Variants in NOMO1 observed in about 807,000 individuals in gnomAD.
The protein encoded by NOMO1 is nodal modulator 3.
Under a neutral mutation model 133.8 loss-of-function variants are expected in NOMO1, and 40 were observed. That is an observed-to-expected ratio of 0.30 (90% CI 0.23 to 0.39). The LOEUF (loss-of-function observed/expected upper bound fraction) is 0.39. Among genes scored for constraint, NOMO1 ranks in the 10% least tolerant of loss-of-function variants. The pLI, the probability that NOMO1 is intolerant of heterozygous loss-of-function variation, is 1.00. For missense variants in NOMO1, 462 were observed against 1,419.9 expected (o/e 0.33, Z 10.84); for synonymous variants, 236 against 570.5 (o/e 0.41, Z 8.36).
chr16:14,837,326 T>C (rs1963532996), intron 1 of NOMO1, among the ~76,000 whole-genome samples: 3 of 152,122 alleles, frequency 2.0e-5, no homozygotes, highest in Non-Finnish European at 1.5e-5. Context: ...GATTTTTCTT[T>C]GAATCCATAT....
At chr16:14,888,486 G>A (rs897277123) in intron 28 of NOMO1, 2 of 156,192 alleles carry the variant, frequency 1.3e-5, no homozygotes, top group Non-Finnish European at 2.8e-5. Flanking sequence ...GACCTTGCCA[G>A]TGGTAGAAAG....
At chr16:14,867,570 T>G (rs924040361) in intron 15 of NOMO1, among the ~76,000 whole-genome samples, 3 of 140,960 alleles carry the variant, frequency 2.1e-5, no homozygotes, top group African/African-American at 7.7e-5. Context: ...TTGTTGACTG[T>G]GGTCTCTGTG....
At chr16:14,855,392 A>G (rs992437692) in intron 9 of NOMO1, among the ~76,000 whole-genome samples, 1 of 151,476 alleles carries the variant, frequency 6.6e-6, no homozygotes, top group African/African-American at 2.4e-5. Flanking sequence ...ACAAATCCCA[A>G]AAGAAAATAA....
chr16:14,864,494 C>T (rs1963962364), intron 12 of NOMO1, 91 bp from the exon 13 acceptor site: 3 of 1,565,632 alleles, frequency 1.9e-6, no homozygotes, highest in Non-Finnish European at 2.6e-6. Flanking sequence ...TCTCTTTAGC[C>T]TTGGTCCCAG....
At chr16:14,868,252 T>C (rs1422269181) in intron 15 of NOMO1, among the ~76,000 whole-genome samples, 1 of 138,226 alleles carries the variant, frequency 7.2e-6, no homozygotes, top group African/African-American at 2.8e-5. Flanking sequence ...GATGCGTTGA[T>C]TTTGTCTTCC....
intron 17 of NOMO1, 91 bp downstream of exon 17, chr16:14,871,775 T>G (rs965339728): frequency 2.1e-5 from 28 of 1,326,558 alleles, no homozygotes; most frequent in Non-Finnish European, 2.7e-5. Context: ...AGTTTTTCTG[T>G]TTTTTTTTCT....
chr16:14,856,747 G>GGT (rs1597098525), intron 9 of NOMO1, among the ~76,000 whole-genome samples: 1 of 151,958 alleles, frequency 6.6e-6, no homozygotes, highest in Admixed American at 6.6e-5. Context: ...TTCAGGTCGT[G>GGT]GTGGAAAGAC....
At position 14,884,776 on chromosome 16, in the gene NOMO1, C is replaced by T. The variant is rs142797409; in HGVS notation, c.3222+294C>T. 7.9e-3 allele frequency among the ~76,000 whole-genome samples: 1,194 copies of T among 152,058 alleles called. 37 individuals carry two copies. The highest frequency in any genetic ancestry group is 0.027 in the African/African-American group (1,117 of 41,404). ...GTAGAAGCCTGATCAATGATCAATA[C>T]AATATGGAATCTAACGTGGAAAGCC... On this transcript the variant is annotated intron_variant, in intron 27 of 30. Coordinates refer to ENST00000287667, the MANE Select transcript of NOMO1 (RefSeq NM_014287.4).
At chr16:14,888,489 G>T (rs2151012022) in intron 28 of NOMO1, 1 of 156,564 alleles carries the variant, frequency 6.4e-6, no homozygotes, top group South Asian at 1.9e-4. Context: ...CTTGCCAGTG[G>T]TAGAAAGCAA....
chr16:14,869,941 T>A (rs1964058250), intron 16 of NOMO1, among the ~76,000 whole-genome samples: 1 of 151,294 alleles, frequency 6.6e-6, no homozygotes, highest in Admixed American at 6.6e-5. Context: ...TCTTGGTAGA[T>A]GTGAAGTCGT....
chr16:14,884,628 G>A, intron 27 of NOMO1, 146 bp downstream of exon 27: 3 of 1,074,872 alleles, frequency 2.8e-6, no homozygotes, highest in Non-Finnish European at 4.1e-6. Context: ...TGAGGGTTGA[G>A]GTTGAGATTT....
At chr16:14,878,110 C>G (rs1456298602) in intron 22 of NOMO1, among the ~76,000 whole-genome samples, 2 of 151,596 alleles carry the variant, frequency 1.3e-5, no homozygotes, top group East Asian at 1.9e-4. Flanking sequence ...ATATAACATG[C>G]CATTTTTATT....
chr16:14,842,136 A>C (rs1045379568), intron 3 of NOMO1, among the ~76,000 whole-genome samples: 1 of 151,746 alleles, frequency 6.6e-6, no homozygotes, highest in Non-Finnish European at 1.5e-5. Context: ...TGAGATCAGA[A>C]GAGAGGGTCT....
Position 14,838,199 on chromosome 16 carries a change from A to G in NOMO1, c.166-208A>G, listed in dbSNP as rs2606866. Among the ~76,000 whole-genome samples the G allele has an allele frequency of 5.3e-5, 8 of 151,482 alleles. No homozygotes were observed. The South Asian group carries it at 6.2e-4, about 12-fold the overall frequency. On this transcript the variant is annotated intron_variant, in intron 1 of 30. Transcript: ENST00000287667. Reference sequence around the variant, plus strand: ...AATAAGGCATTGTAATAGGCTGTAGATGGTTTCTAATCTGAAAAACATTGA... The same window carrying G: ...AATAAGGCATTGTAATAGGCTGTAGGTGGTTTCTAATCTGAAAAACATTGA...
intron 11 of NOMO1, among the ~76,000 whole-genome samples, chr16:14,859,376 T>C (rs1003377300): frequency 2.0e-5 from 3 of 151,972 alleles, no homozygotes; most frequent in African/African-American, 7.3e-5. Context: ...AATTCTTGGA[T>C]TTAAGTCTTT....
intron 8 of NOMO1, 123 bp downstream of exon 8, chr16:14,853,727 G>A (rs1283321589): frequency 7.3e-6 from 7 of 962,432 alleles, no homozygotes; most frequent in Non-Finnish European, 1.6e-6. Flanking sequence ...ACGCTGTTAA[G>A]CAGTAACTTA....
At chr16:14,868,217 A>G (rs1294700074) in intron 15 of NOMO1, among the ~76,000 whole-genome samples, 1 of 137,244 alleles carries the variant, frequency 7.3e-6, no homozygotes, top group Non-Finnish European at 1.6e-5. Context: ...GTTACTGACC[A>G]GTTGAGATCA....
chr16:14,834,817 T>A (rs971330326), intron 1 of NOMO1, among the ~76,000 whole-genome samples: 3 of 130,398 alleles, frequency 2.3e-5, no homozygotes, highest in African/African-American at 5.9e-5. Flanking sequence ...GAATGTCATT[T>A]GTCCCGGTAG....
intron 2 of NOMO1, among the ~76,000 whole-genome samples, chr16:14,839,648 T>G (rs1168774527): frequency 2.0e-5 from 3 of 150,874 alleles, no homozygotes; most frequent in Non-Finnish European, 4.4e-5. Flanking sequence ...GCAGTTTCAT[T>G]TTTTCCCCTG....
Sources: gnomAD v4.1 joint callset for allele counts (sites outside exome capture counted in the v4.1 genomes callset) on GRCh38, gnomAD v4.1.1 for gene constraint, MANE v1.5 for transcripts, NCBI Gene and HGNC (gene_info 2026-07-23, HGNC 2026-07-21) for gene names.